Variants in TLL1 observed in about 807,000 individuals in gnomAD.
TLL1 encodes tolloid-like protein 1.
In TLL1, 49 loss-of-function variants were observed where a neutral mutation model predicts 128.2. That is an observed-to-expected ratio of 0.38 (90% confidence interval 0.30 to 0.48). The LOEUF (loss-of-function observed/expected upper bound fraction) is 0.48. Among genes scored for constraint, TLL1 ranks in the 20% least tolerant of loss-of-function variants. TLL1 has a pLI of 0.96. For missense variants in TLL1, 1,123 were observed against 1,242.0 expected, an observed-to-expected ratio of 0.90 and a Z score of 1.44; for synonymous variants, 454 against 418.8, an observed-to-expected ratio of 1.08 and a Z score of -1.03.
At chr4:165,962,477 A>G (rs952917735) in intron 1 of TLL1, among the ~76,000 whole-genome samples, 5 of 152,174 alleles carry the variant, frequency 3.3e-5, no homozygotes, top group Non-Finnish European at 7.3e-5. Flanking sequence ...GTTGGTGGGA[A>G]TGTATTAGTT....
intron 20 of TLL1, 21 bp downstream of exon 20, chr4:166,099,548 A>G: frequency 2.5e-6 from 4 of 1,612,826 alleles, no homozygotes; most frequent in Non-Finnish European, 3.4e-6. Flanking sequence ...CACCAACAGA[A>G]TACCCTAGAC....
rs552906174 is a variant in TLL1 at position 166,026,216 on chromosome 4, C to T, written c.1158+785C>T. On this transcript the variant is annotated intron_variant, in intron 9 of 20. Coordinates refer to ENST00000061240, the MANE Select transcript of TLL1 (RefSeq NM_012464.5). ...CAGACTGGCCAACATTGATGAAACC[C>T]TGTCTCTACTAAAAATACAAAAATT... Among the ~76,000 whole-genome samples, 5 of 151,808 alleles carry T rather than the reference C, an allele frequency of 3.3e-5. No homozygotes were observed. In the East Asian group the frequency reaches 9.7e-4, roughly 30 times the overall value.
chr4:165,896,091 A>G (rs1378217836), intron 1 of TLL1, among the ~76,000 whole-genome samples: 2 of 151,314 alleles, frequency 1.3e-5, no homozygotes, highest in African/African-American at 2.4e-5. Context: ...CTAACCCCCT[A>G]CCCCCAAGAG....
In TLL1 at chr4:166,078,006, C is replaced by T; in HGVS notation, c.2418C>T (p.Ala806=). The T allele has an allele frequency of 1.2e-6, 2 of 1,613,658 alleles. No individual in the cohort carries two copies. The highest frequency in any genetic ancestry group is 1.7e-6 in the Non-Finnish European group (2 of 1,179,746). The change falls in exon 18 of 21, where the codon GCC becomes GCT. Residue 806 remains alanine (A), a synonymous_variant. Coordinates refer to ENST00000061240, the MANE Select transcript of TLL1 (RefSeq NM_012464.5). ...AAGAATGCACTTGGGAAATCAGCGCCACTCCTGGCCACCGAATCAAATTAG... is the reference window on the plus strand; with the variant it reads ...AAGAATGCACTTGGGAAATCAGCGCTACTCCTGGCCACCGAATCAAATTAG... ...SRKECTWEIS[A]TPGHRIKLAF...
rs565371125 is a variant in TLL1 at position 166,022,786 on chromosome 4, A to T, written c.1043-2530A>T. Among the ~76,000 whole-genome samples the T allele has an allele frequency of 5.3e-5, 8 of 152,380 alleles. No homozygotes were observed. The East Asian group carries it at 1.5e-3, about 29-fold the overall frequency. On this transcript the variant is annotated intron_variant, in intron 8 of 20. Transcript: ENST00000061240. ...CACAATTTTGTATGCTAGAAGGAACATACATATGGATTATCTAATTTAAAA... is the reference window on the plus strand; with the variant it reads ...CACAATTTTGTATGCTAGAAGGAACTTACATATGGATTATCTAATTTAAAA...
At chr4:166,096,778 A>G (rs548914680) in intron 19 of TLL1, among the ~76,000 whole-genome samples, 2 of 152,262 alleles carry the variant, frequency 1.3e-5, no homozygotes, top group East Asian at 3.9e-4. Context: ...AAATCTGTAA[A>G]TGAGATTACA....
rs143156547 is a variant in TLL1 at position 166,025,328 on chromosome 4, C to T, written c.1055C>T (p.Thr352Ile). 8.1e-5 allele frequency: 131 copies of T among 1,612,284 alleles called. No individual in the cohort carries two copies. Among genetic ancestry groups the T allele is most frequent in the Non-Finnish European group, 1.0e-4 (123 of 1,178,562 alleles). Residue 352 changes from threonine (T) to isoleucine (I), a missense_variant, in exon 9 of 21, where the codon ACT becomes ATT. Physicochemically the swap from Thr to Ile is moderately conservative, Grantham distance 89. Transcript: ENST00000061240. ...TTTTTCCTTTCAGCATGTGGAGAAACTCTACAAGAATCCAATGGCAACCTT... is the reference window on the plus strand; with the variant it reads ...TTTTTCCTTTCAGCATGTGGAGAAATTCTACAAGAATCCAATGGCAACCTT... ...KLYRCPACGE[T>I]LQESNGNLSS... is the part of the protein sequence containing the mutation.
chr4:166,031,830 G>A (rs1468197547), intron 9 of TLL1, among the ~76,000 whole-genome samples: 3 of 152,116 alleles, frequency 2.0e-5, no homozygotes, highest in Non-Finnish European at 4.4e-5. Flanking sequence ...TGAATAAATA[G>A]GAGTAGAAGG....
chr4:165,963,361 T>A (rs1735212247), intron 1 of TLL1, among the ~76,000 whole-genome samples: 1 of 152,124 alleles, frequency 6.6e-6, no homozygotes, highest in Non-Finnish European at 1.5e-5. Flanking sequence ...AACTGTTGAG[T>A]TGGAGAATCT....
intron 1 of TLL1, among the ~76,000 whole-genome samples, chr4:165,931,493 C>T (rs113776365): frequency 0.016 from 2,418 of 151,694 alleles, 25 homozygotes; most frequent in South Asian, 0.028. Context: ...CCAAGGCGGG[C>T]GGATCACGAG....
intron 1 of TLL1, among the ~76,000 whole-genome samples, chr4:165,887,261 G>A (rs1731201098): frequency 6.6e-6 from 1 of 151,948 alleles, no homozygotes; most frequent in Non-Finnish European, 1.5e-5. Context: ...AAGAAGTAAT[G>A]AGAAAGTGGG....
At chr4:165,994,860 T>C (rs937707796) in intron 4 of TLL1, among the ~76,000 whole-genome samples, 1 of 152,196 alleles carries the variant, frequency 6.6e-6, no homozygotes, top group African/African-American at 2.4e-5. Flanking sequence ...TTTGTAGAGA[T>C]AGTGAGCTTT....
chr4:166,059,896 T>A (rs1740222183), intron 14 of TLL1, 132 bp from the exon 15 acceptor site: 2 of 1,094,558 alleles, frequency 1.8e-6, no homozygotes, highest in African/African-American at 3.1e-5. Flanking sequence ...GAGACTGCCA[T>A]TTCTGGATTT....
Position 166,003,499 on chromosome 4 carries a change from C to T in TLL1, c.741C>T (p.Gly247=), listed in dbSNP as rs773541007. The change falls in exon 6 of 21, where the codon GGC becomes GGT. Residue 247 remains glycine (G), a synonymous_variant. Transcript: ENST00000061240. ...IVVHELGHVI[G]FWHEHTRPDR... is the part of the protein sequence containing the mutation. ...TTCATGAATTGGGTCATGTGATAGG[C>T]TTTTGGCATGAACACACAAGACCAG... 1 of 1,613,988 alleles carries T rather than the reference C, an allele frequency of 6.2e-7. No homozygotes were observed. The highest frequency in any genetic ancestry group is 8.5e-7 in the Non-Finnish European group (1 of 1,179,956).
At chr4:165,977,252 C>A (rs1454577378) in intron 1 of TLL1, among the ~76,000 whole-genome samples, 1 of 152,048 alleles carries the variant, frequency 6.6e-6, no homozygotes, top group African/African-American at 2.4e-5. Context: ...GGGGCAGTTT[C>A]CCCCATGCTG....
rs1307823237 is a variant in TLL1, at chr4:165,994,755, CAG to C, written c.514+225_514+226del. 3.3e-5 allele frequency among the ~76,000 whole-genome samples: 5 copies of C among 152,254 alleles called. No individual in the cohort carries two copies. The East Asian group carries it at 9.7e-4, about 29-fold the overall frequency. On this transcript the variant is annotated intron_variant, in intron 4 of 20. Transcript: ENST00000061240. The stretch of plus-strand genomic sequence containing the variant: ...TTAAAGCACTGTTCTGGTTTTTAAA[CAG>C]AGTTTCAGATGTGCCTATTAAATTT...
intron 1 of TLL1, among the ~76,000 whole-genome samples, chr4:165,964,997 T>C (rs909498206): frequency 2.0e-5 from 3 of 152,072 alleles, no homozygotes; most frequent in Admixed American, 6.6e-5. Context: ...GATCCATCTA[T>C]CTTAATTACC....
At chr4:165,953,240 A>G (rs938613641) in intron 1 of TLL1, among the ~76,000 whole-genome samples, 5 of 152,044 alleles carry the variant, frequency 3.3e-5, no homozygotes, top group African/African-American at 9.7e-5. Flanking sequence ...GTGAGTGTAT[A>G]TAGTATTTGT....
chr4:166,041,778 T>C (rs1739251886), intron 10 of TLL1, among the ~76,000 whole-genome samples: 1 of 152,230 alleles, frequency 6.6e-6, no homozygotes, highest in Non-Finnish European at 1.5e-5. Flanking sequence ...CTTCTACATA[T>C]GGTAACAATA....
Sources: gnomAD v4.1 joint callset for allele counts (sites outside exome capture counted in the v4.1 genomes callset) on GRCh38, gnomAD v4.1.1 for gene constraint, MANE v1.5 for transcripts, NCBI Gene and HGNC (gene_info 2026-07-23, HGNC 2026-07-21) for gene names.